TPST2: variants seen among roughly 807,000 people sequenced by gnomAD.
The protein encoded by TPST2 is protein-tyrosine sulfotransferase 2.
Under a neutral mutation model 27.8 loss-of-function variants are expected in TPST2, and 16 were observed. The ratio of observed to expected loss-of-function variants is 0.58; its 90% CI spans 0.39 to 0.88. The LOEUF is 0.88. Ranked by LOEUF, TPST2 falls within the 40% of genes least tolerant of loss-of-function variation. TPST2 has a pLI of 0.00. For missense variants in TPST2, 464 were observed against 543.1 expected (o/e 0.85, Z 1.45); for synonymous variants, 229 against 231.7 (o/e 0.99, Z 0.10).
chr22:26,542,134 C>T (rs1005475281), intron 2 of TPST2, among the ~76,000 whole-genome samples: 6 of 150,722 alleles, frequency 4.0e-5, no homozygotes, highest in Admixed American at 2.7e-4. Flanking sequence ...CCCAGCTACT[C>T]GGGAGGCTGC....
rs528619449 is a variant in TPST2, at chr22:26,538,091, C to T, written c.843-1605G>A. On this transcript the variant is annotated intron_variant, in intron 3 of 6. Coordinates refer to ENST00000338754, the MANE Select transcript of TPST2 (RefSeq NM_003595.5). ...TACCAATTATAACTCAGGGGCCTGA[C>T]AGGATGAATGGTGGGGAACCCCCAG... Among the ~76,000 whole-genome samples, 24 of 152,338 alleles carry T rather than the reference C, an allele frequency of 1.6e-4. No homozygotes were observed. In the South Asian group the frequency reaches 4.8e-3, roughly 30 times the overall value.
intron 4 of TPST2, among the ~76,000 whole-genome samples, chr22:26,535,599 C>T (rs975580359): frequency 2.6e-5 from 4 of 152,146 alleles, no homozygotes; most frequent in Non-Finnish European, 5.9e-5. Context: ...GGCAACGTAG[C>T]GAGACCCCGC....
intron 1 of TPST2, among the ~76,000 whole-genome samples, chr22:26,583,555 C>CAA (rs112444411): frequency 1.9e-4 from 26 of 138,100 alleles, no homozygotes; most frequent in African/African-American, 6.4e-4. Context: ...TGGAGCGTGT[C>CAA]AAAAAAAAAA....
At chr22:26,579,603 G>A (rs1260689484) in intron 1 of TPST2, among the ~76,000 whole-genome samples, 2 of 152,240 alleles carry the variant, frequency 1.3e-5, no homozygotes, top group Admixed American at 1.3e-4. Flanking sequence ...CCCGGGCTCT[G>A]CAAGGGTCCG....
Position 26,574,574 on chromosome 22 carries a change from A to G in TPST2, c.-161+15479T>C, listed in dbSNP as rs144407366. Among the ~76,000 whole-genome samples, 1,018 of 152,316 alleles carry G rather than the reference A, an allele frequency of 6.7e-3. 13 individuals are homozygous for G. Among genetic ancestry groups the G allele is most frequent in the African/African-American group, 0.023 (970 of 41,568 alleles). ...GCCCAGGAACGAGCAAGCCATAGGTATTTGGGAGGCGACTGGCTGGAGACA... is the reference window on the plus strand; with the variant it reads ...GCCCAGGAACGAGCAAGCCATAGGTGTTTGGGAGGCGACTGGCTGGAGACA... On this transcript the variant is annotated intron_variant, in intron 1 of 6. Coordinates refer to ENST00000338754, the MANE Select transcript of TPST2 (RefSeq NM_003595.5).
chr22:26,588,596 A>T (rs1928430931), intron 1 of TPST2, among the ~76,000 whole-genome samples: 1 of 152,220 alleles, frequency 6.6e-6, no homozygotes. Context: ...TTTAAAAATC[A>T]GGTGATACAA....
At chr22:26,564,934 G>T (rs1202063697) in intron 1 of TPST2, among the ~76,000 whole-genome samples, 1 of 152,164 alleles carries the variant, frequency 6.6e-6, no homozygotes, top group African/African-American at 2.4e-5. Context: ...CACTTTCTCA[G>T]CAGTGAAATG....
At chr22:26,532,785 G>A in intron 4 of TPST2, 40 bp from the exon 5 acceptor site, 1 of 1,596,832 alleles carries the variant, frequency 6.3e-7, no homozygotes, top group Middle Eastern at 1.7e-4. Context: ...TATGAAAATG[G>A]CCAAAAAATA....
In TPST2 at chr22:26,554,568, A is replaced by G. The variant is rs187457245; in HGVS notation, c.-160-9893T>C. 8.5e-5 allele frequency among the ~76,000 whole-genome samples: 13 copies of G among 152,342 alleles called. No homozygotes were observed. The East Asian group carries it at 2.3e-3, about 27-fold the overall frequency. On this transcript the variant is annotated intron_variant, in intron 1 of 6. Coordinates refer to ENST00000338754, the MANE Select transcript of TPST2 (RefSeq NM_003595.5). ...GCAATGCAGCCCTGGGTTGGGGGTC[A>G]GTGGGGAGGTGTTATCTAACTACTT...
intron 1 of TPST2, among the ~76,000 whole-genome samples, chr22:26,553,642 G>A (rs1175661590): frequency 6.6e-6 from 1 of 152,116 alleles, no homozygotes; most frequent in Non-Finnish European, 1.5e-5. Context: ...ATAGGCATGA[G>A]CTACTGCACC....
intron 1 of TPST2, among the ~76,000 whole-genome samples, chr22:26,551,877 CTTTTT>C (rs1353665944): frequency 7.2e-5 from 8 of 110,452 alleles, no homozygotes; most frequent in African/African-American, 1.1e-4. Flanking sequence ...CTTTTCTTTT[CTTTTT>C]CTTTTTTTTT....
chr22:26,583,714 A>G (rs1439667835), intron 1 of TPST2, among the ~76,000 whole-genome samples: 1 of 151,144 alleles, frequency 6.6e-6, no homozygotes, highest in Non-Finnish European at 1.5e-5. Flanking sequence ...GTGGCATGCG[A>G]CTGTAATCCC....
intron 3 of TPST2, 121 bp downstream of exon 3, chr22:26,540,668 A>G (rs897112997): frequency 2.3e-6 from 2 of 863,144 alleles, no homozygotes; most frequent in Non-Finnish European, 3.4e-6. Context: ...ACGGAGGCTC[A>G]GAGAGATATA....
intron 3 of TPST2, among the ~76,000 whole-genome samples, chr22:26,538,221 A>G (rs1395086985): frequency 6.6e-6 from 1 of 152,242 alleles, no homozygotes; most frequent in Non-Finnish European, 1.5e-5. Context: ...TGAGGTGAGG[A>G]GAACAGGGGA....
intron 1 of TPST2, among the ~76,000 whole-genome samples, chr22:26,569,492 CT>C (rs763583858): frequency 1.3e-5 from 2 of 152,152 alleles, no homozygotes; most frequent in Non-Finnish European, 2.9e-5. Context: ...TAAAAATAGT[CT>C]TAACGAATCA....
At chr22:26,560,163 C>T (rs1275418582) in intron 1 of TPST2, among the ~76,000 whole-genome samples, 2 of 152,076 alleles carry the variant, frequency 1.3e-5, no homozygotes, top group Admixed American at 1.3e-4. Context: ...ACGGCCAGGC[C>T]TGAACACCTG....
intron 4 of TPST2, among the ~76,000 whole-genome samples, chr22:26,534,400 G>A (rs1925336506): frequency 6.6e-6 from 1 of 152,226 alleles, no homozygotes; most frequent in Non-Finnish European, 1.5e-5. Flanking sequence ...CCCCAGGGAA[G>A]AAATCTCTTT....
rs374465030 is a variant in TPST2, at chr22:26,551,287, A to AAAAC, written c.-160-6616_-160-6613dup. Among the ~76,000 whole-genome samples, 807 of 152,274 alleles carry AAAAC rather than the reference A, an allele frequency of 5.3e-3. 9 individuals carry two copies. The highest frequency in any genetic ancestry group is 0.017 in the African/African-American group (710 of 41,516). On this transcript the variant is annotated intron_variant, in intron 1 of 6. Coordinates refer to ENST00000338754, the MANE Select transcript of TPST2 (RefSeq NM_003595.5). ...GGTGACAGGGAGAGATTCTGCCTAA[A>AAAAC]AAACAAACAAACAAACAAACAAAAA... is the stretch of plus-strand genomic sequence containing the variant.
At chr22:26,535,410 G>T (rs1925398068) in intron 4 of TPST2, among the ~76,000 whole-genome samples, 1 of 152,192 alleles carries the variant, frequency 6.6e-6, no homozygotes, top group African/African-American at 2.4e-5. Flanking sequence ...AAGCTGTAAT[G>T]GAAACGTATA....
Sources: gnomAD v4.1 joint callset for allele counts (sites outside exome capture counted in the v4.1 genomes callset) on GRCh38, gnomAD v4.1.1 for gene constraint, MANE v1.5 for transcripts, NCBI Gene and HGNC (gene_info 2026-07-23, HGNC 2026-07-21) for gene names.